The following NTSR1 variants were observed in gnomAD, a reference collection of about 807,000 sequenced individuals.
NTSR1 encodes the protein neurotensin receptor type 1.
In NTSR1, 29 loss-of-function variants were observed where a neutral mutation model predicts 31.2. That is an observed-to-expected ratio of 0.93 (90% confidence interval 0.69 to 1.27). NTSR1 has a LOEUF of 1.27. NTSR1 is among the 50% of genes most tolerant of loss of function. The pLI is 0.00. For missense variants in NTSR1, 697 were observed against 595.4 expected, an observed-to-expected ratio of 1.17 and a Z score of -1.78; for synonymous variants, 282 against 269.9, an observed-to-expected ratio of 1.04 and a Z score of -0.44.
chr20:62,747,177 G>C (rs1454642057), intron 1 of NTSR1, among the ~76,000 whole-genome samples: 4 of 152,220 alleles, frequency 2.6e-5, no homozygotes, highest in Admixed American at 6.5e-5. Flanking sequence ...AAAAGCATTT[G>C]ACAAAACTCA....
In NTSR1 at chr20:62,754,866, G is replaced by C. The variant is rs746286151; in HGVS notation, c.896G>C (p.Arg299Pro). 1.2e-6 allele frequency: 2 copies of C among 1,603,052 alleles called. No homozygotes were observed. The highest frequency in any genetic ancestry group is 1.7e-6 in the Non-Finnish European group (2 of 1,178,406). ...AIEPGRVQAL[R>P]HGVRVLRAVV... ...GAGCCTGGCAGGGTCCAGGCCCTGC[G>C]GCACGGCGTGCGCGTCCTACGTACG... is the stretch of plus-strand genomic sequence containing the variant. Residue 299 changes from arginine (R) to proline (P), a missense_variant, in exon 2 of 4, where the codon CGG becomes CCG. Arg to Pro is a moderately radical substitution (Grantham distance 103). Transcript: ENST00000370501.
Position 62,714,010 on chromosome 20 carries a change from G to A in NTSR1, c.714+4089G>A, listed in dbSNP as rs1197075733. On this transcript the variant is annotated intron_variant, in intron 1 of 3. Transcript: ENST00000370501. The surrounding 1 kb of genome is among the most constrained non-coding windows in gnomAD (Gnocchi z 4.1). ...AGCTACTTGGGAGGCTGAGGCAGGAGAATCGCTTGAGCTTGGGAGGCGGAG... is the reference window on the plus strand; with the variant it reads ...AGCTACTTGGGAGGCTGAGGCAGGAAAATCGCTTGAGCTTGGGAGGCGGAG... Among the ~76,000 whole-genome samples, 1 of 152,242 alleles carries A rather than the reference G, an allele frequency of 6.6e-6. No homozygotes were observed. The highest frequency in any genetic ancestry group is 2.4e-5 in the African/African-American group (1 of 41,458).
chr20:62,735,643 C>T lies in NTSR1; in HGVS notation c.715-19042C>T, dbSNP rs1457855920. Among the ~76,000 whole-genome samples the T allele has an allele frequency of 2.0e-5, 3 of 152,236 alleles. No individual in the cohort carries two copies. The East Asian group carries it at 5.8e-4, about 29-fold the overall frequency. On this transcript the variant is annotated intron_variant, in intron 1 of 3. Coordinates refer to ENST00000370501, the MANE Select transcript of NTSR1 (RefSeq NM_002531.3). ...AGGAACAGCCTCCCCGCAAGGTGGC[C>T]TCAGCCTCCCCCATGCTCCCCTGGA...
chr20:62,709,230 C>T lies in NTSR1; in HGVS notation c.23C>T (p.Pro8Leu), dbSNP rs1448713544. Reference protein sequence around the residue: MRLNSSAPGTPGTPAADP... With the variant: MRLNSSALGTPGTPAADP... ...ACCATGCGCCTCAACAGCTCCGCGC[C>T]GGGAACCCCGGGCACGCCGGCCGCC... Residue 8 changes from proline to leucine, a missense_variant, in exon 1 of 4, where the codon CCG becomes CTG. Physicochemically the swap from Pro to Leu is moderately conservative, Grantham distance 98. Coordinates refer to ENST00000370501, the MANE Select transcript of NTSR1 (RefSeq NM_002531.3). The T allele has an allele frequency of 3.4e-6, 5 of 1,489,202 alleles. No individual in the cohort carries two copies. In the South Asian group the frequency reaches 3.9e-5, roughly 12 times the overall value. The allele number at this position is 1,489,202 out of a possible 1,614,324, so 92.2% of individuals were successfully genotyped here.
At position 62,745,170 on chromosome 20, in the gene NTSR1, G is replaced by T. The variant is rs1189585065; in HGVS notation, c.715-9515G>T. Reference sequence around the variant, plus strand: ...CAGTTCCTGCCACCTGAGGATGTTGGTACACACACCAGACTCAGAGGGAGA... The same window carrying T: ...CAGTTCCTGCCACCTGAGGATGTTGTTACACACACCAGACTCAGAGGGAGA... On this transcript the variant is annotated intron_variant, in intron 1 of 3. Transcript: ENST00000370501. The surrounding 1 kb of genome is among the most constrained non-coding windows in gnomAD (Gnocchi z 4.1). 6.6e-6 allele frequency among the ~76,000 whole-genome samples: 1 copy of T among 152,156 alleles called. No individual in the cohort carries two copies. Among genetic ancestry groups the T allele is most frequent in the Non-Finnish European group, 1.5e-5 (1 of 68,030 alleles).
chr20:62,751,060 A>G (rs191226003), intron 1 of NTSR1, among the ~76,000 whole-genome samples: 19 of 152,172 alleles, frequency 1.2e-4, no homozygotes, highest in African/African-American at 3.4e-4. Flanking sequence ...TAGTTTTTGT[A>G]GAGATGGGGT....
At chr20:62,729,421 G>C (rs984470684) in intron 1 of NTSR1, among the ~76,000 whole-genome samples, 4 of 152,182 alleles carry the variant, frequency 2.6e-5, no homozygotes, top group Non-Finnish European at 5.9e-5. Flanking sequence ...CCTGAGACAG[G>C]GATTGTGGTG....
At position 62,744,114 on chromosome 20, in the gene NTSR1, C is replaced by G. The variant is rs556984937; in HGVS notation, c.715-10571C>G. Among the ~76,000 whole-genome samples the G allele has an allele frequency of 1.1e-4, 16 of 152,314 alleles. 1 individual carries two copies. The South Asian group carries it at 2.9e-3, about 28-fold the overall frequency. ...AGGCTGTCCCTCCCATAGGTCCAGC[C>G]CCACCAGCCGTCGCCCCAGCGTGTC... On this transcript the variant is annotated intron_variant, in intron 1 of 3. Transcript: ENST00000370501. The surrounding 1 kb of genome is among the most constrained non-coding windows in gnomAD (Gnocchi z 4.1).
chr20:62,754,857 A>T lies in NTSR1; in HGVS notation c.887A>T (p.Gln296Leu), dbSNP rs1215350719. Residue 296 changes from glutamine (Q) to leucine (L), a missense_variant, in exon 2 of 4, where the codon CAG becomes CTG. Transcript: ENST00000370501. ...ATGGCCATCGAGCCTGGCAGGGTCC[A>T]GGCCCTGCGGCACGGCGTGCGCGTC... is the stretch of plus-strand genomic sequence containing the variant. ...FSMAIEPGRVQALRHGVRVLR... is the reference protein window; with the variant it reads ...FSMAIEPGRVLALRHGVRVLR... The T allele has an allele frequency of 1.2e-6, 2 of 1,605,296 alleles. No homozygotes were observed. Among genetic ancestry groups the T allele is most frequent in the African/African-American group, 2.7e-5 (2 of 74,856 alleles).
intron 1 of NTSR1, among the ~76,000 whole-genome samples, chr20:62,734,469 C>T (rs892233633): frequency 6.6e-6 from 1 of 152,200 alleles, no homozygotes; most frequent in Non-Finnish European, 1.5e-5. Context: ...GTAACTCATT[C>T]TTGACCTTGT....
chr20:62,727,342 G>A (rs563515988), intron 1 of NTSR1, among the ~76,000 whole-genome samples: 278 of 152,316 alleles, frequency 1.8e-3, no homozygotes, highest in African/African-American at 6.3e-3. Flanking sequence ...GTGGAAGTGG[G>A]GGGTCCCAGC....
rs1451884241 is a variant in NTSR1, at chr20:62,743,821, T to C, written c.715-10864T>C. Among the ~76,000 whole-genome samples, 2 of 152,178 alleles carry C rather than the reference T, an allele frequency of 1.3e-5. No homozygotes were observed. The highest frequency in any genetic ancestry group is 1.3e-4 in the Admixed American group (2 of 15,286). The stretch of plus-strand genomic sequence containing the variant: ...CTCGAAGAGCGAGGTGAGAACGCCC[T>C]GCCTGAGGTCGAGGGGCTGAGGCCG... On this transcript the variant is annotated intron_variant, in intron 1 of 3. Transcript: ENST00000370501. This position sits in a 1 kb window ranked among gnomAD's most constrained non-coding sequence, Gnocchi z 7.5.
intron 1 of NTSR1, among the ~76,000 whole-genome samples, chr20:62,723,572 C>T (rs946535662): frequency 2.6e-5 from 4 of 152,198 alleles, no homozygotes; most frequent in Non-Finnish European, 4.4e-5. Flanking sequence ...TAAGCCATTC[C>T]ATCTGGGCTG....
At chr20:62,728,627 C>T (rs555224927) in intron 1 of NTSR1, among the ~76,000 whole-genome samples, 59 of 152,318 alleles carry the variant, frequency 3.9e-4, no homozygotes, top group Admixed American at 3.1e-3. Flanking sequence ...CTGCGGAAGA[C>T]GCTGTGTGCA....
At position 62,715,349 on chromosome 20, in the gene NTSR1, G is replaced by A. The variant is rs536461607; in HGVS notation, c.714+5428G>A. Among the ~76,000 whole-genome samples, 54 of 152,290 alleles carry A rather than the reference G, an allele frequency of 3.5e-4. No homozygotes were observed. The highest frequency in any genetic ancestry group is 1.2e-3 in the African/African-American group (51 of 41,554). ...GTCCACCTCTGTACCCCGTAACCCC[G>A]TTTCCCAGATGAAGCAGAGGGCAGA... On this transcript the variant is annotated intron_variant, in intron 1 of 3. Coordinates refer to ENST00000370501, the MANE Select transcript of NTSR1 (RefSeq NM_002531.3). The surrounding 1 kb of genome is among the most constrained non-coding windows in gnomAD (Gnocchi z 4.7).
chr20:62,718,595 G>A (rs1348420010), intron 1 of NTSR1, among the ~76,000 whole-genome samples: 1 of 114,654 alleles, frequency 8.7e-6, no homozygotes, highest in African/African-American at 3.3e-5. Context: ...CCACAGCTTT[G>A]CCTTTTCTGG....
At chr20:62,752,244 C>T (rs1473095326) in intron 1 of NTSR1, among the ~76,000 whole-genome samples, 1 of 152,216 alleles carries the variant, frequency 6.6e-6, no homozygotes, top group Non-Finnish European at 1.5e-5. Context: ...TCCGAGTCCC[C>T]GCGCTGCCGA....
In NTSR1 at chr20:62,733,335, G is replaced by A. The variant is rs1227828126; in HGVS notation, c.715-21350G>A. The stretch of plus-strand genomic sequence containing the variant: ...CAATTAGGGAAGAATGAAGCTCTTG[G>A]TTCCCTCCTGAAGCACTTGGTTGAA... On this transcript the variant is annotated intron_variant, in intron 1 of 3. Coordinates refer to ENST00000370501, the MANE Select transcript of NTSR1 (RefSeq NM_002531.3). This position sits in a 1 kb window ranked among gnomAD's most constrained non-coding sequence, Gnocchi z 5.2. Among the ~76,000 whole-genome samples the A allele has an allele frequency of 1.3e-5, 2 of 152,174 alleles. No homozygotes were observed. The highest frequency in any genetic ancestry group is 2.9e-5 in the Non-Finnish European group (2 of 68,028).
rs1319690559 is a variant in NTSR1, at chr20:62,754,861, C to T, written c.891C>T (p.Ala297=). Residue 297 remains alanine, a synonymous_variant, in exon 2 of 4, where the codon GCC becomes GCT. Transcript: ENST00000370501. ...SMAIEPGRVQ[A]LRHGVRVLRA... ...CCATCGAGCCTGGCAGGGTCCAGGC[C>T]CTGCGGCACGGCGTGCGCGTCCTAC... 2 of 1,604,318 alleles carry T rather than the reference C, an allele frequency of 1.2e-6. No homozygotes were observed. Among genetic ancestry groups the T allele is most frequent in the African/African-American group, 1.3e-5 (1 of 74,824 alleles).
Sources: allele counts gnomAD v4.1 joint callset (sites outside exome capture counted in the v4.1 genomes callset), GRCh38; gene constraint gnomAD v4.1.1; non-coding constraint Gnocchi (gnomAD v3.1); transcripts MANE v1.5; gene names NCBI Gene and HGNC (gene_info 2026-07-23, HGNC 2026-07-21).